The following ST6GALNAC3 variants were observed in gnomAD, a reference collection of about 807,000 sequenced individuals.
ST6GALNAC3 encodes the protein ST6 N-acetylgalactosaminide alpha-2,6-sialyltransferase 3.
Under a neutral mutation model 32.7 loss-of-function variants are expected in ST6GALNAC3, and 25 were observed. That is an observed-to-expected ratio of 0.76 (90% confidence interval 0.56 to 1.07). The LOEUF (loss-of-function observed/expected upper bound fraction) is 1.07. Among genes scored for constraint, ST6GALNAC3 ranks in the 50% least tolerant of loss-of-function variants. The probability of loss-of-function intolerance (pLI) is 0.00; values close to 1 mark genes in which losing one functional copy is unlikely to be tolerated. For missense variants in ST6GALNAC3, 355 were observed against 382.4 expected (o/e 0.93, Z 0.60); for synonymous variants, 129 against 133.1 (o/e 0.97, Z 0.21).
At chr1:76,207,608 C>A (rs1654893042) in intron 1 of ST6GALNAC3, among the ~76,000 whole-genome samples, 1 of 152,206 alleles carries the variant, frequency 6.6e-6, no homozygotes, top group Admixed American at 6.5e-5. Context: ...ACTTTGTCGA[C>A]AACTAGCCCA....
chr1:76,307,964 A>T, intron 1 of ST6GALNAC3: 1 of 506,398 alleles, frequency 2.0e-6, no homozygotes, highest in African/African-American at 1.9e-5. Flanking sequence ...CATGTTTTTG[A>T]TGCATATTTT....
intron 1 of ST6GALNAC3, among the ~76,000 whole-genome samples, chr1:76,078,521 T>C (rs1318485421): frequency 6.6e-6 from 1 of 152,220 alleles, no homozygotes; most frequent in East Asian, 1.9e-4. Context: ...CTTTTAATTA[T>C]GGCTCCACTC....
intron 3 of ST6GALNAC3, among the ~76,000 whole-genome samples, chr1:76,422,877 G>T (rs1446529800): frequency 6.6e-6 from 1 of 151,920 alleles, no homozygotes; most frequent in Admixed American, 6.6e-5. Context: ...TTAACCTCCT[G>T]TGAAAGTCCT....
chr1:76,193,218 A>G (rs1340080091), intron 1 of ST6GALNAC3, among the ~76,000 whole-genome samples: 1 of 152,178 alleles, frequency 6.6e-6, no homozygotes, highest in East Asian at 1.9e-4. Flanking sequence ...CCACTTTCTC[A>G]AAGTGCCTTC....
At chr1:76,466,775 A>G (rs1181161428) in intron 3 of ST6GALNAC3, among the ~76,000 whole-genome samples, 1 of 152,062 alleles carries the variant, frequency 6.6e-6, no homozygotes, top group African/African-American at 2.4e-5. Context: ...TATTTGCATG[A>G]AGTCTAATTG....
chr1:76,614,180 C>T (rs1017553214), intron 3 of ST6GALNAC3, among the ~76,000 whole-genome samples: 3 of 152,126 alleles, frequency 2.0e-5, no homozygotes, highest in African/African-American at 7.2e-5. Flanking sequence ...AAAAAGTAGC[C>T]CTTTACTGGC....
chr1:76,492,206 G>A (rs186505927), intron 3 of ST6GALNAC3, among the ~76,000 whole-genome samples: 69 of 152,256 alleles, frequency 4.5e-4, no homozygotes, highest in African/African-American at 1.6e-3. Flanking sequence ...AAGGTCCAGC[G>A]AGTAGATGAA....
At chr1:76,156,918 A>C (rs1239293872) in intron 1 of ST6GALNAC3, among the ~76,000 whole-genome samples, 1 of 152,184 alleles carries the variant, frequency 6.6e-6, no homozygotes, top group East Asian at 1.9e-4. Context: ...TTTTTAGTAC[A>C]GACGGGGTTT....
chr1:76,488,594 T>A (rs899284406), intron 3 of ST6GALNAC3, among the ~76,000 whole-genome samples: 2 of 152,202 alleles, frequency 1.3e-5, no homozygotes, highest in Non-Finnish European at 2.9e-5. Context: ...TACATATTTG[T>A]TGAATAAATA....
chr1:76,141,089 G>A (rs762760533), intron 1 of ST6GALNAC3, among the ~76,000 whole-genome samples: 2 of 152,118 alleles, frequency 1.3e-5, no homozygotes, highest in Non-Finnish European at 2.9e-5. Context: ...CATGCACCAT[G>A]CTGGGATGTC....
At chr1:76,329,426 T>C (rs1274219743) in intron 2 of ST6GALNAC3, among the ~76,000 whole-genome samples, 1 of 152,200 alleles carries the variant, frequency 6.6e-6, no homozygotes, top group East Asian at 1.9e-4. Context: ...TCAAAGCTTA[T>C]GTGGTATAAC....
intron 3 of ST6GALNAC3, among the ~76,000 whole-genome samples, chr1:76,590,082 T>A (rs1647024070): frequency 6.6e-6 from 1 of 152,168 alleles, no homozygotes; most frequent in Non-Finnish European, 1.5e-5. Flanking sequence ...CTTGAAAATG[T>A]GCTCAGTACA....
chr1:76,183,265 G>T (rs138298834), intron 1 of ST6GALNAC3, among the ~76,000 whole-genome samples: 1 of 152,172 alleles, frequency 6.6e-6, no homozygotes, highest in Non-Finnish European at 1.5e-5. Flanking sequence ...CAGTTCATTT[G>T]TTTATTGATA....
In ST6GALNAC3 at chr1:76,509,833, C is replaced by A. The variant is rs1353092769; in HGVS notation, c.623+97416C>A. 1.3e-5 allele frequency among the ~76,000 whole-genome samples: 2 copies of A among 152,140 alleles called. No homozygotes were observed. The highest frequency in any genetic ancestry group is 2.9e-5 in the Non-Finnish European group (2 of 68,022). ...TGTTTCTCTATTTCTCTTTTAAGGACCCCCATGGTTACATTGGGCCAGAAT... is the reference window on the plus strand; with the variant it reads ...TGTTTCTCTATTTCTCTTTTAAGGAACCCCATGGTTACATTGGGCCAGAAT... On this transcript the variant is annotated intron_variant, in intron 3 of 4. Coordinates refer to ENST00000328299, the MANE Select transcript of ST6GALNAC3 (RefSeq NM_152996.4). This position sits in a 1 kb window ranked among gnomAD's most constrained non-coding sequence, Gnocchi z 5.5.
chr1:76,320,798 AATAC>A (rs1398319936), intron 2 of ST6GALNAC3, among the ~76,000 whole-genome samples: 5 of 152,128 alleles, frequency 3.3e-5, no homozygotes, highest in Non-Finnish European at 4.4e-5. Context: ...GTATATGGAA[AATAC>A]ATACATGTAT....
intron 1 of ST6GALNAC3, among the ~76,000 whole-genome samples, chr1:76,156,708 C>G (rs1171997603): frequency 6.6e-6 from 1 of 152,136 alleles, no homozygotes; most frequent in Non-Finnish European, 1.5e-5. Flanking sequence ...TGCCCTAGTC[C>G]TTGAATCAGT....
At chr1:76,589,027 G>A (rs1647005589) in intron 3 of ST6GALNAC3, among the ~76,000 whole-genome samples, 1 of 151,820 alleles carries the variant, frequency 6.6e-6, no homozygotes, top group Non-Finnish European at 1.5e-5. Flanking sequence ...TTCCTGTGTA[G>A]ATCCTGACTG....
At chr1:76,123,985 A>T (rs941914841) in intron 1 of ST6GALNAC3, among the ~76,000 whole-genome samples, 1 of 152,068 alleles carries the variant, frequency 6.6e-6, no homozygotes, top group African/African-American at 2.4e-5. Flanking sequence ...TCTTGACCTC[A>T]AGTGATCCAC....
intron 3 of ST6GALNAC3, among the ~76,000 whole-genome samples, chr1:76,442,849 C>T (rs1482960241): frequency 6.6e-6 from 1 of 152,198 alleles, no homozygotes; most frequent in Admixed American, 6.5e-5. Context: ...GTAGAAACAA[C>T]TTAGCTATTC....
Sources: gnomAD v4.1 joint callset for allele counts (sites outside exome capture counted in the v4.1 genomes callset) on GRCh38, gnomAD v4.1.1 for gene constraint, Gnocchi (gnomAD v3.1) non-coding constraint, MANE v1.5 for transcripts, NCBI Gene and HGNC (gene_info 2026-07-23, HGNC 2026-07-21) for gene names.